The following MICU3 variants were observed in gnomAD, a reference collection of about 807,000 sequenced individuals.
MICU3 encodes the protein calcium uptake protein 3, mitochondrial.
A neutral mutation model predicts 66.5 loss-of-function variants in MICU3; 62 were observed. The observed-to-expected ratio is 0.93, with a 90% CI of 0.76 to 1.15. MICU3 has a LOEUF of 1.15. MICU3 is among the 50% of genes most tolerant of loss of function. MICU3 has a pLI of 0.00. For synonymous variants in MICU3, 308 were observed against 240.7 expected, an observed-to-expected ratio of 1.28 and a Z score of -2.59; for missense variants, 779 against 664.4, an observed-to-expected ratio of 1.17 and a Z score of -1.90.
At chr8:17,090,884 G>A (rs964842328) in intron 8 of MICU3, among the ~76,000 whole-genome samples, 3 of 152,182 alleles carry the variant, frequency 2.0e-5, no homozygotes, top group South Asian at 2.1e-4. Context: ...TATTTGAAGA[G>A]TTATGTAGAG....
Position 17,121,437 on chromosome 8 carries a change from A to G in MICU3, c.*1150A>G, listed in dbSNP as rs1170385822. On this transcript the variant is annotated 3_prime_UTR_variant, in exon 15 of 15. Coordinates refer to ENST00000318063, the MANE Select transcript of MICU3 (RefSeq NM_181723.3). ...GTACATAGAGAAACAATTTGATAATACTTAATAGAAATCTGTTCAATTAAA... is the reference window on the plus strand; with the variant it reads ...GTACATAGAGAAACAATTTGATAATGCTTAATAGAAATCTGTTCAATTAAA... The G allele has an allele frequency of 6.6e-6, 1 of 151,914 alleles. No individual in the cohort carries two copies. The highest frequency in any genetic ancestry group is 1.5e-5 in the Non-Finnish European group (1 of 67,788). 9.4% of individuals were successfully genotyped at this position (151,914 alleles called of 1,614,324 possible).
intron 8 of MICU3, among the ~76,000 whole-genome samples, chr8:17,095,583 A>G (rs145060587): frequency 1.8e-3 from 271 of 152,064 alleles, no homozygotes; most frequent in Middle Eastern, 3.4e-3. Flanking sequence ...TAATCTCTGA[A>G]TAGAACCTTC....
intron 11 of MICU3, among the ~76,000 whole-genome samples, chr8:17,109,343 T>C (rs1286368632): frequency 6.6e-6 from 1 of 152,160 alleles, no homozygotes; most frequent in Non-Finnish European, 1.5e-5. Flanking sequence ...CCTACAGATT[T>C]ATTCACTCAT....
intron 1 of MICU3, among the ~76,000 whole-genome samples, chr8:17,044,374 A>G (rs1814711004): frequency 6.6e-6 from 1 of 152,246 alleles, no homozygotes; most frequent in African/African-American, 2.4e-5. Flanking sequence ...GTTAGGATCT[A>G]CAGAGAAAGT....
chr8:17,137,074 C>A, the MICU3 span, among the ~76,000 whole-genome samples: 1 of 151,964 alleles, frequency 6.6e-6, no homozygotes, highest in African/African-American at 2.4e-5. Context: ...ACCTCATGAT[C>A]GGCCTCCCAA....
intron 11 of MICU3, among the ~76,000 whole-genome samples, chr8:17,111,805 A>G (rs1258665333): frequency 2.0e-5 from 3 of 152,202 alleles, no homozygotes; most frequent in South Asian, 2.1e-4. Context: ...ATTGACATCT[A>G]TATTAGTTCA....
chr8:17,135,057 C>G, the MICU3 span, among the ~76,000 whole-genome samples: 1 of 152,176 alleles, frequency 6.6e-6, no homozygotes, highest in Non-Finnish European at 1.5e-5. Context: ...ATGCCTGCTT[C>G]TTACAATTAT....
At chr8:17,123,061 G>C (rs1297488804), downstream of MICU3, among the ~76,000 whole-genome samples, 1 of 151,908 alleles carries the variant, frequency 6.6e-6, no homozygotes, top group East Asian at 1.9e-4. Context: ...ACTTCCAAAA[G>C]ATATAAAAAT....
At chr8:17,081,775 G>A (rs12056715) in intron 5 of MICU3, 35 bp downstream of exon 5, 91,729 of 868,376 alleles carry the variant, frequency 0.11, 6,856 homozygotes, top group East Asian at 0.33. Context: ...TCTGGATGCA[G>A]CTTTATTTTT....
At chr8:17,109,222 G>A (rs1801993716) in intron 11 of MICU3, among the ~76,000 whole-genome samples, 1 of 151,858 alleles carries the variant, frequency 6.6e-6, no homozygotes, top group Non-Finnish European at 1.5e-5. Context: ...TAACAAATAT[G>A]TTTTATGTAT....
Position 17,081,439 on chromosome 8 carries a change from C to G in MICU3, c.647-254C>G, listed in dbSNP as rs149435540. Among the ~76,000 whole-genome samples, 1,281 of 152,090 alleles carry G rather than the reference C, an allele frequency of 8.4e-3. 12 individuals are homozygous for G. Among genetic ancestry groups the G allele is most frequent in the African/African-American group, 0.029 (1,210 of 41,530 alleles). On this transcript the variant is annotated intron_variant, in intron 4 of 14. Coordinates refer to ENST00000318063, the MANE Select transcript of MICU3 (RefSeq NM_181723.3). Reference sequence around the variant, plus strand: ...AACAAGTTTAAAAGTTACTGCTATACGTATGCATTATAATTTTGCTTTTTT... The same window carrying G: ...AACAAGTTTAAAAGTTACTGCTATAGGTATGCATTATAATTTTGCTTTTTT...
intron 9 of MICU3, among the ~76,000 whole-genome samples, chr8:17,099,912 C>G (rs1801111464): frequency 6.6e-6 from 1 of 151,772 alleles, no homozygotes; most frequent in African/African-American, 2.4e-5. Flanking sequence ...CTCAGTTAGA[C>G]AAAATCTGCT....
At position 17,122,518 on chromosome 8, in the gene MICU3, T is replaced by C. The variant is rs564347781; in HGVS notation, c.*2231T>C. 4.6e-5 allele frequency: 7 copies of C among 152,104 alleles called. No individual in the cohort carries two copies. The East Asian group carries it at 1.3e-3, about 29-fold the overall frequency. The allele number at this position is 152,104 out of a possible 1,614,324, so 9.4% of individuals were successfully genotyped here. Reference sequence around the variant, plus strand: ...CAGTTTATGGTACTTCTCAGAATCATTTCATAATAAGCAATTTATTTAGCT... The same window carrying C: ...CAGTTTATGGTACTTCTCAGAATCACTTCATAATAAGCAATTTATTTAGCT... On this transcript the variant is annotated 3_prime_UTR_variant, in exon 15 of 15. Coordinates refer to ENST00000318063, the MANE Select transcript of MICU3 (RefSeq NM_181723.3).
At chr8:17,128,773 A>T in the MICU3 span, among the ~76,000 whole-genome samples, 1 of 152,184 alleles carries the variant, frequency 6.6e-6, no homozygotes, top group Non-Finnish European at 1.5e-5. Context: ...AAAGAGTTGC[A>T]TGGGATGGCA....
chr8:17,059,521 A>C lies in MICU3; in HGVS notation c.382-4563A>C, dbSNP rs577523582. ...AGACCTACCACTCTAGCAATAAGGC[A>C]ACGAAAATGAGATATAAATGCTGAA... On this transcript the variant is annotated intron_variant, in intron 1 of 14. Coordinates refer to ENST00000318063, the MANE Select transcript of MICU3 (RefSeq NM_181723.3). Among the ~76,000 whole-genome samples, 95 of 152,318 alleles carry C rather than the reference A, an allele frequency of 6.2e-4. 1 individual carries two copies. Among genetic ancestry groups the C allele is most frequent in the Middle Eastern group, 6.8e-3 (2 of 294 alleles).
downstream of MICU3, among the ~76,000 whole-genome samples, chr8:17,125,673 T>A (rs557140738): frequency 4.6e-5 from 7 of 152,224 alleles, no homozygotes; most frequent in African/African-American, 1.7e-4. Context: ...GAGAAAGAAA[T>A]CTTGAAGCCC....
At chr8:17,128,870 GA>G in the MICU3 span, among the ~76,000 whole-genome samples, 1 of 152,192 alleles carries the variant, frequency 6.6e-6, no homozygotes, top group Non-Finnish European at 1.5e-5. Context: ...GTGCAGAAAA[GA>G]AGCACCAAAA....
downstream of MICU3, among the ~76,000 whole-genome samples, chr8:17,123,563 G>T (rs1803320671): frequency 6.6e-6 from 1 of 152,040 alleles, no homozygotes; most frequent in African/African-American, 2.4e-5. Context: ...TATTGAGCAT[G>T]GGGGGCAATT....
At position 17,120,883 on chromosome 8, in the gene MICU3, T is replaced by G. The variant is rs1324066822; in HGVS notation, c.*596T>G. On this transcript the variant is annotated 3_prime_UTR_variant, in exon 15 of 15. Transcript: ENST00000318063. The stretch of plus-strand genomic sequence containing the variant: ...TGTACTTTTAACTTTTAAAAGTACT[T>G]AATTAACATATGTTGTTTGACTTGT... 1.3e-5 allele frequency: 2 copies of G among 152,366 alleles called. No homozygotes were observed. The highest frequency in any genetic ancestry group is 2.9e-5 in the Non-Finnish European group (2 of 67,922). 9.4% of individuals were successfully genotyped at this position (152,366 alleles called of 1,614,324 possible).
Sources: allele counts gnomAD v4.1 joint callset (sites outside exome capture counted in the v4.1 genomes callset), GRCh38; gene constraint gnomAD v4.1.1; transcripts MANE v1.5; gene names NCBI Gene and HGNC (gene_info 2026-07-23, HGNC 2026-07-21).